The following VGLL3 variants were observed in gnomAD, a reference collection of about 807,000 sequenced individuals.
VGLL3 encodes the protein vestigial like family member 3.
VGLL3 carries 18 observed loss-of-function variants against 29.2 expected under a neutral mutation model. The observed-to-expected ratio is 0.62, with a 90% CI of 0.43 to 0.91. The LOEUF (loss-of-function observed/expected upper bound fraction) is 0.91, where lower values mean the gene tolerates loss of function less well. Among genes scored for constraint, VGLL3 ranks in the 40% least tolerant of loss-of-function variants. The pLI, the probability that VGLL3 is intolerant of heterozygous loss-of-function variation, is 0.00. For synonymous variants in VGLL3, 180 were observed against 151.8 expected (o/e 1.19, Z -1.36); for missense variants, 440 against 413.2 (o/e 1.06, Z -0.56).
At chr3:86,954,444 C>G (rs1197405915) in intron 3 of VGLL3, among the ~76,000 whole-genome samples, 1 of 152,196 alleles carries the variant, frequency 6.6e-6, no homozygotes, top group Non-Finnish European at 1.5e-5. Flanking sequence ...CACAGAATCT[C>G]TAGCCTTTGC....
chr3:86,977,047 A>C (rs192131471), intron 2 of VGLL3, among the ~76,000 whole-genome samples: 43 of 152,326 alleles, frequency 2.8e-4, no homozygotes, highest in African/African-American at 1.0e-3. Flanking sequence ...CTCAGTTCTC[A>C]TAGTAAGCCC....
chr3:86,991,137 G>A lies in VGLL3; in HGVS notation c.-394C>T. The A allele has an allele frequency of 6.1e-6, 1 of 164,104 alleles. No homozygotes were observed. Among genetic ancestry groups the A allele is most frequent in the Non-Finnish European group, 1.3e-5 (1 of 78,446 alleles). The allele number at this position is 164,104 out of a possible 1,614,324, so 10.2% of individuals were successfully genotyped here. On this transcript the variant is annotated 5_prime_UTR_variant, in exon 1 of 4. Transcript: ENST00000398399. Reference sequence around the variant, plus strand: ...GGGCAGCCGTGGGGAGCCCAGCTCCGGTTTGCATATACACAATGCACGCCC... The same window carrying A: ...GGGCAGCCGTGGGGAGCCCAGCTCCAGTTTGCATATACACAATGCACGCCC...
At chr3:86,962,551 A>C in intron 3 of VGLL3, 1 of 981,030 alleles carries the variant, frequency 1.0e-6, no homozygotes, top group East Asian at 1.1e-4. Context: ...CTAAAAAAAA[A>C]TTTAAAAAAC....
At chr3:86,957,543 T>G (rs759263607) in intron 3 of VGLL3, among the ~76,000 whole-genome samples, 2 of 152,164 alleles carry the variant, frequency 1.3e-5, no homozygotes, top group African/African-American at 2.4e-5. Context: ...GGGGAGGAAG[T>G]GTCCTCTCCA....
intron 3 of VGLL3, among the ~76,000 whole-genome samples, chr3:86,952,364 A>G (rs1704634789): frequency 6.6e-6 from 1 of 152,228 alleles, no homozygotes; most frequent in African/African-American, 2.4e-5. Context: ...AACCCACTAA[A>G]TAAACATGCT....
intron 3 of VGLL3, among the ~76,000 whole-genome samples, chr3:86,957,760 G>C (rs1243806960): frequency 6.6e-6 from 1 of 151,900 alleles, no homozygotes; most frequent in Admixed American, 6.6e-5. Flanking sequence ...ATTTGGGAGG[G>C]GGTAATAAAT....
intron 3 of VGLL3, among the ~76,000 whole-genome samples, chr3:86,957,007 G>A (rs1704738462): frequency 1.3e-5 from 2 of 151,732 alleles, no homozygotes; most frequent in African/African-American, 2.4e-5. Context: ...TTCCTTTTTT[G>A]TACTTAAAAT....
At chr3:86,960,782 TCA>T (rs1342322432) in intron 3 of VGLL3, among the ~76,000 whole-genome samples, 1 of 151,958 alleles carries the variant, frequency 6.6e-6, no homozygotes, top group Non-Finnish European at 1.5e-5. Flanking sequence ...ATATAATGAC[TCA>T]CTCATAAAAT....
chr3:86,990,907 G>A lies in VGLL3; in HGVS notation c.-164C>T. On this transcript the variant is annotated 5_prime_UTR_variant, in exon 1 of 4. Transcript: ENST00000398399. ...CGGCCTCGGGCTCCGCGCGGGGCGC[G>A]GGGTCGGGAGGGACTGGCAATCAGC... 14 of 1,113,112 alleles carry A rather than the reference G, an allele frequency of 1.3e-5. No homozygotes were observed. The highest frequency in any genetic ancestry group is 4.5e-5 in the South Asian group (1 of 22,448). 69.0% of individuals were successfully genotyped at this position (1,113,112 alleles called of 1,614,324 possible).
chr3:86,938,465 A>AG lies in VGLL3; in HGVS notation c.*8558dup, dbSNP rs1704323010. The AG allele has an allele frequency of 6.6e-6, 1 of 152,660 alleles. No individual in the cohort carries two copies. The allele number at this position is 152,660 out of a possible 1,614,324, so 9.5% of individuals were successfully genotyped here. ...AGAAAGGATAGAGTGTCATGCTTAA[A>AG]GGGGAACAGATTTTGTATTTTTTGG... On this transcript the variant is annotated 3_prime_UTR_variant, in exon 4 of 4. Transcript: ENST00000398399.
chr3:86,974,284 A>G (rs1705163577), intron 2 of VGLL3, among the ~76,000 whole-genome samples: 1 of 151,818 alleles, frequency 6.6e-6, no homozygotes, highest in South Asian at 2.1e-4. Context: ...TGCCTGGCTA[A>G]TTTTTTGTGT....
At chr3:86,986,801 A>T (rs1301163706) in intron 1 of VGLL3, among the ~76,000 whole-genome samples, 1 of 152,170 alleles carries the variant, frequency 6.6e-6, no homozygotes, top group Admixed American at 6.5e-5. Context: ...TGCTAACTGG[A>T]TATACTGTTT....
At chr3:86,949,719 CG>C (rs1704577515) in intron 3 of VGLL3, among the ~76,000 whole-genome samples, 1 of 150,160 alleles carries the variant, frequency 6.7e-6, no homozygotes, top group Admixed American at 6.7e-5. Flanking sequence ...CCCAGCTACT[CG>C]GGAGGCTGAG....
chr3:86,975,514 T>TA (rs1032539018), intron 2 of VGLL3, among the ~76,000 whole-genome samples: 52 of 152,056 alleles, frequency 3.4e-4, no homozygotes, highest in South Asian at 1.2e-3. Context: ...TTTTATAAAT[T>TA]AAAAAAAACT....
chr3:86,948,726 A>G lies in VGLL3; in HGVS notation c.938-1659T>C, dbSNP rs114229022. Among the ~76,000 whole-genome samples, 199 of 152,294 alleles carry G rather than the reference A, an allele frequency of 1.3e-3. 2 individuals carry two copies. The highest frequency in any genetic ancestry group is 4.4e-3 in the African/African-American group (181 of 41,570). On this transcript the variant is annotated intron_variant, in intron 3 of 3. Transcript: ENST00000398399. Reference sequence around the variant, plus strand: ...CCACCTTTTTCTTTTTACCACAAGCATACTGGTTTTATGCTTGATAAAGAA... The same window carrying G: ...CCACCTTTTTCTTTTTACCACAAGCGTACTGGTTTTATGCTTGATAAAGAA...
At chr3:86,976,516 G>C (rs1449709544) in intron 2 of VGLL3, among the ~76,000 whole-genome samples, 1 of 152,184 alleles carries the variant, frequency 6.6e-6, no homozygotes, top group Non-Finnish European at 1.5e-5. Context: ...AATAAAACAG[G>C]AGACATATTT....
intron 2 of VGLL3, among the ~76,000 whole-genome samples, chr3:86,975,266 A>AT (rs1325036007): frequency 2.6e-5 from 4 of 152,312 alleles, no homozygotes; most frequent in Admixed American, 2.6e-4. Flanking sequence ...TTTTATGAGA[A>AT]TAAAAATGTG....
chr3:86,942,714 T>C lies in VGLL3; in HGVS notation c.*4310A>G, dbSNP rs1009208244. On this transcript the variant is annotated 3_prime_UTR_variant, in exon 4 of 4. Coordinates refer to ENST00000398399, the MANE Select transcript of VGLL3 (RefSeq NM_016206.4). ...TACATGCCACTTTAAGGTTAATTTA[T>C]TTTTCCTTCAGAAATGACATACTAA... is the stretch of plus-strand genomic sequence containing the variant. 1 of 152,192 alleles carries C rather than the reference T, an allele frequency of 6.6e-6. No individual in the cohort carries two copies. Among genetic ancestry groups the C allele is most frequent in the African/African-American group, 2.4e-5 (1 of 41,456 alleles). 9.4% of individuals were successfully genotyped at this position (152,192 alleles called of 1,614,324 possible). A position where few individuals can be genotyped will look rare whatever the true frequency, so the allele number is the denominator to read the frequency against.
At chr3:86,973,095 T>G (rs1190242129) in intron 2 of VGLL3, among the ~76,000 whole-genome samples, 1 of 151,350 alleles carries the variant, frequency 6.6e-6, no homozygotes, top group Non-Finnish European at 1.5e-5. Flanking sequence ...ACACATTACC[T>G]CCAAAAAAAT....
Sources: gnomAD v4.1 joint callset for allele counts (sites outside exome capture counted in the v4.1 genomes callset) on GRCh38, gnomAD v4.1.1 for gene constraint, MANE v1.5 for transcripts, NCBI Gene and HGNC (gene_info 2026-07-23, HGNC 2026-07-21) for gene names.